The following PLCD1 variants were observed in gnomAD, a reference collection of about 807,000 sequenced individuals.
PLCD1 encodes the protein phospholipase C delta 1.
In PLCD1, 71 loss-of-function variants were observed where a neutral mutation model predicts 87.4. The ratio of observed to expected loss-of-function variants is 0.81; its 90% CI spans 0.67 to 0.99. PLCD1 has a LOEUF of 0.99. Ranked by LOEUF, PLCD1 falls within the 50% of genes least tolerant of loss-of-function variation. PLCD1 has a pLI of 0.00. For missense variants in PLCD1, 867 were observed against 1,001.5 expected, an observed-to-expected ratio of 0.87 and a Z score of 1.81; for synonymous variants, 348 against 399.2, an observed-to-expected ratio of 0.87 and a Z score of 1.53.
At chr3:38,022,757 A>G (rs1005374215) in intron 1 of PLCD1, among the ~76,000 whole-genome samples, 2 of 152,078 alleles carry the variant, frequency 1.3e-5, no homozygotes, top group African/African-American at 2.4e-5. Context: ...CTCATCTCTT[A>G]GCCTCATTTG....
chr3:38,029,415 A>C, intron 1 of PLCD1, 91 bp downstream of exon 1: 1 of 1,191,992 alleles, frequency 8.4e-7, no homozygotes, highest in Non-Finnish European at 1.2e-6. Context: ...AGGCGGCCGA[A>C]GGAGCTGGGG....
chr3:38,011,174 C>A (rs1700067953), intron 5 of PLCD1, 40 bp downstream of exon 5: 1 of 1,494,132 alleles, frequency 6.7e-7, no homozygotes, highest in Non-Finnish European at 9.2e-7. Flanking sequence ...CCCAGTGCGG[C>A]CCTGCGACTG....
Position 38,011,675 on chromosome 3 carries a change from T to G in PLCD1, c.429-2A>C, listed in dbSNP as rs148984703. ...TTTCGCAAGCAGGAGTGAATCCAGC[T>G]GGGCAAGAAGTAAGGAAAGAACCCA... On this transcript the variant is annotated splice_acceptor_variant, in intron 3 of 14. Transcript: ENST00000334661. LOFTEE classifies it high-confidence loss of function. The G allele has an allele frequency of 8.1e-5, 131 of 1,614,176 alleles. No individual in the cohort carries two copies. The highest frequency in any genetic ancestry group is 1.0e-4 in the Non-Finnish European group (123 of 1,180,024).
intron 1 of PLCD1, among the ~76,000 whole-genome samples, chr3:38,027,023 GC>G (rs1282693409): frequency 6.6e-6 from 1 of 152,132 alleles, no homozygotes; most frequent in Non-Finnish European, 1.5e-5. Flanking sequence ...TGAGGGGAGG[GC>G]CCTGGGAGGT....
At position 38,018,775 on chromosome 3, in the gene PLCD1, G is replaced by A. The variant is rs929163170; in HGVS notation, c.199+1413C>T. On this transcript the variant is annotated intron_variant, in intron 2 of 14. Transcript: ENST00000334661. This position sits in a 1 kb window ranked among gnomAD's most constrained non-coding sequence, Gnocchi z 5.7. Reference sequence around the variant, plus strand: ...AGCCCCATGAAGGAGCCTGTCTGGCGCCACAGAGAAAAGGTCAGGCGGTCA... The same window carrying A: ...AGCCCCATGAAGGAGCCTGTCTGGCACCACAGAGAAAAGGTCAGGCGGTCA... Among the ~76,000 whole-genome samples the A allele has an allele frequency of 2.0e-5, 3 of 152,152 alleles. No homozygotes were observed. The highest frequency in any genetic ancestry group is 2.9e-5 in the Non-Finnish European group (2 of 68,030).
At position 38,010,161 on chromosome 3, in the gene PLCD1, C is replaced by T. The variant is rs1260014160; in HGVS notation, c.1107G>A (p.Val369=). 5 of 1,614,116 alleles carry T rather than the reference C, an allele frequency of 3.1e-6. No individual in the cohort carries two copies. Among genetic ancestry groups the T allele is most frequent in the Non-Finnish European group, 8.5e-7 (1 of 1,180,040 alleles). The part of the protein sequence containing the change: ...TFTSKILFCD[V]LRAIRDYAFK... The stretch of plus-strand genomic sequence containing the variant: ...AGGCATAGTCCCGGATGGCCCTGAG[C>T]ACATCGCAGAAGAGGATCTTGGAAG... Residue 369 remains valine, a synonymous_variant, in exon 7 of 15, where the codon GTG becomes GTA. Transcript: ENST00000334661.
intron 2 of PLCD1, 84 bp from the exon 3 acceptor site, chr3:38,016,803 G>C (rs72863997): frequency 0.022 from 21,401 of 964,862 alleles, 420 homozygotes; most frequent in African/African-American, 0.076. Flanking sequence ...GGCCACAGTA[G>C]AGAGGGGCAT....
chr3:38,028,176 C>A (rs1034258521), intron 1 of PLCD1, among the ~76,000 whole-genome samples: 1 of 152,230 alleles, frequency 6.6e-6, no homozygotes, highest in African/African-American at 2.4e-5. Flanking sequence ...GAGATGTCCA[C>A]TGTGTCCTCT....
At chr3:38,009,470 TG>T in intron 9 of PLCD1, 39 bp from the exon 10 acceptor site, 1 of 1,611,486 alleles carries the variant, frequency 6.2e-7, no homozygotes, top group Non-Finnish European at 8.5e-7. Flanking sequence ...ATTCAGTGGT[TG>T]GGGTAGGGTA....
chr3:38,020,282 T>C lies in PLCD1; in HGVS notation c.105A>G (p.Ser35=), dbSNP rs1450779559. ...GSQLLKVKSS[S]WRRERFYKLQ... is the part of the protein sequence containing the mutation. ...ACTTGTAGAAGCGCTCTCTCCTCCATGAGCTGGACTTCACCTTCAGGAGCT... is the reference window on the plus strand; with the variant it reads ...ACTTGTAGAAGCGCTCTCTCCTCCACGAGCTGGACTTCACCTTCAGGAGCT... The change falls in exon 2 of 15, where the codon TCA becomes TCG. Residue 35 remains serine (S), a synonymous_variant. Coordinates refer to ENST00000334661, the MANE Select transcript of PLCD1 (RefSeq NM_006225.4). The C allele has an allele frequency of 1.9e-6, 3 of 1,613,902 alleles. No individual in the cohort carries two copies. The highest frequency in any genetic ancestry group is 1.1e-5 in the South Asian group (1 of 91,082).
chr3:38,021,555 C>T (rs1700233827), intron 1 of PLCD1, among the ~76,000 whole-genome samples: 1 of 152,208 alleles, frequency 6.6e-6, no homozygotes, highest in Admixed American at 6.5e-5. Flanking sequence ...ATAAAAGTGA[C>T]CCCAACCCTT....
chr3:38,007,678 G>T lies in PLCD1; in HGVS notation c.*95C>A. On this transcript the variant is annotated 3_prime_UTR_variant, in exon 15 of 15. Transcript: ENST00000334661. Reference sequence around the variant, plus strand: ...GAAGGCAATTTGGGGGCCTAGCTCTGAGCAAGAGGCTGGGAGCAGCCACAC... The same window carrying T: ...GAAGGCAATTTGGGGGCCTAGCTCTTAGCAAGAGGCTGGGAGCAGCCACAC... The T allele has an allele frequency of 1.0e-6, 1 of 962,380 alleles. No individual in the cohort carries two copies. The highest frequency in any genetic ancestry group is 1.7e-6 in the Non-Finnish European group (1 of 599,548). The allele number at this position is 962,380 out of a possible 1,614,324, so 59.6% of individuals were successfully genotyped here.
In PLCD1 at chr3:38,025,512, T is replaced by C. The variant is rs1452388437; in HGVS notation, c.34+3994A>G. Among the ~76,000 whole-genome samples, 1 of 152,220 alleles carries C rather than the reference T, an allele frequency of 6.6e-6. No individual in the cohort carries two copies. The highest frequency in any genetic ancestry group is 1.5e-5 in the Non-Finnish European group (1 of 68,042). ...ACTAATTCATTGCGACTCAGCTTGC[T>C]GTTGCCTCATTTGTGAACCTCAGGT... On this transcript the variant is annotated intron_variant, in intron 1 of 14. Coordinates refer to ENST00000334661, the MANE Select transcript of PLCD1 (RefSeq NM_006225.4). The surrounding 1 kb of genome is among the most constrained non-coding windows in gnomAD (Gnocchi z 4.0).
chr3:38,011,265 C>T lies in PLCD1; in HGVS notation c.739G>A (p.Gly247Arg), dbSNP rs1700070626. ...ATGAGGGAGAGGGCCAGCGCAGGCCCTGCCGCCTCCTCCCGCTGCTGGTGC... is the reference window on the plus strand; with the variant it reads ...ATGAGGGAGAGGGCCAGCGCAGGCCTTGCCGCCTCCTCCCGCTGCTGGTGC... ...LQHQQREEAA[G>R]PALALSLIER... The change falls in exon 5 of 15, where the codon GGG (glycine) becomes AGG (arginine). Residue 247 changes from glycine (G) to arginine (R), a missense_variant. Coordinates refer to ENST00000334661, the MANE Select transcript of PLCD1 (RefSeq NM_006225.4). The T allele has an allele frequency of 6.2e-7, 1 of 1,611,688 alleles. No individual in the cohort carries two copies.
chr3:38,029,633 G>T lies in PLCD1; in HGVS notation c.-94C>A, dbSNP rs1575360762. 5 of 1,093,918 alleles carry T rather than the reference G, an allele frequency of 4.6e-6. No individual in the cohort carries two copies. Among genetic ancestry groups the T allele is most frequent in the East Asian group, 2.7e-5 (1 of 37,144 alleles). 67.8% of individuals were successfully genotyped at this position (1,093,918 alleles called of 1,614,324 possible). On this transcript the variant is annotated 5_prime_UTR_variant, in exon 1 of 15. Coordinates refer to ENST00000334661, the MANE Select transcript of PLCD1 (RefSeq NM_006225.4). The stretch of plus-strand genomic sequence containing the variant: ...GGGGTCCGAGCGGAGTGCGGTGCAG[G>T]GACCTGAATGGACCGCGGTGGGAGG...
rs772879535 is a variant in PLCD1, at chr3:38,020,289, G to C, written c.98C>G (p.Ser33Cys). The change falls in exon 2 of 15, where the codon TCC becomes TGC. Residue 33 changes from serine to cysteine, a missense_variant. By Grantham distance (112) the Ser-to-Cys change is moderately radical. Transcript: ENST00000334661. Reference protein sequence around the residue: ...LKGSQLLKVKSSSWRRERFYK... With the variant: ...LKGSQLLKVKCSSWRRERFYK... ...GAAGCGCTCTCTCCTCCATGAGCTGGACTTCACCTTCAGGAGCTGGCTGCC... is the reference window on the plus strand; with the variant it reads ...GAAGCGCTCTCTCCTCCATGAGCTGCACTTCACCTTCAGGAGCTGGCTGCC... 3.7e-6 allele frequency: 6 copies of C among 1,613,972 alleles called. No individual in the cohort carries two copies. The highest frequency in any genetic ancestry group is 5.1e-6 in the Non-Finnish European group (6 of 1,179,912).
intron 3 of PLCD1, 114 bp from the exon 4 acceptor site, chr3:38,011,787 G>T: frequency 2.1e-6 from 2 of 946,814 alleles, no homozygotes; most frequent in South Asian, 1.3e-5. Context: ...CTGCAGGCCT[G>T]ACTTACTACA....
chr3:38,024,597 C>T (rs1269602889), intron 1 of PLCD1: 1 of 1,510,470 alleles, frequency 6.6e-7, no homozygotes, highest in African/African-American at 1.4e-5. Flanking sequence ...AGCTAGAGTT[C>T]GAGAGGAGGG....
At chr3:38,008,931 G>T in intron 11 of PLCD1, 111 bp downstream of exon 11, 1 of 847,688 alleles carries the variant, frequency 1.2e-6, no homozygotes, top group Non-Finnish European at 2.0e-6. Flanking sequence ...CCCTGCATTT[G>T]ACCCTGCTTG....
Sources: allele counts gnomAD v4.1 joint callset (sites outside exome capture counted in the v4.1 genomes callset), GRCh38; gene constraint gnomAD v4.1.1; non-coding constraint Gnocchi (gnomAD v3.1); transcripts MANE v1.5; gene names NCBI Gene and HGNC (gene_info 2026-07-23, HGNC 2026-07-21).